MB21D2: variants seen among roughly 807,000 people sequenced by gnomAD.
The protein encoded by MB21D2 is Mab-21 domain containing 2, also known as nucleotidyltransferase MB21D2.
A neutral mutation model predicts 33.3 loss-of-function variants in MB21D2; 9 were observed. The observed-to-expected ratio is 0.27, with a 90% confidence interval of 0.16 to 0.47. The LOEUF (loss-of-function observed/expected upper bound fraction) is 0.47, where lower values mean the gene tolerates loss of function less well. MB21D2 is among the 20% of genes least tolerant of loss of function. The probability of loss-of-function intolerance (pLI) is 0.99; values close to 1 mark genes in which losing one functional copy is unlikely to be tolerated. For missense variants in MB21D2, 540 were observed against 624.6 expected, an observed-to-expected ratio of 0.86 and a Z score of 1.44; for synonymous variants, 241 against 236.3, an observed-to-expected ratio of 1.02 and a Z score of -0.18.
chr3:192,826,708 A>G (rs1024175590), intron 1 of MB21D2, among the ~76,000 whole-genome samples: 1 of 152,124 alleles, frequency 6.6e-6, no homozygotes, highest in Non-Finnish European at 1.5e-5. Context: ...CTCAGAGAGA[A>G]TCTCCCTGCA....
At chr3:192,804,028 G>T (rs958695597) in intron 1 of MB21D2, among the ~76,000 whole-genome samples, 1 of 152,114 alleles carries the variant, frequency 6.6e-6, no homozygotes, top group African/African-American at 2.4e-5. Flanking sequence ...GTAATTCACT[G>T]TTTCTTGGTT....
intron 1 of MB21D2, among the ~76,000 whole-genome samples, chr3:192,851,494 T>TG (rs1712804639): frequency 7.4e-6 from 1 of 135,462 alleles, no homozygotes; most frequent in Non-Finnish European, 1.5e-5. Flanking sequence ...TTTGTCTGTT[T>TG]TTTTTTTTTT....
intron 1 of MB21D2, among the ~76,000 whole-genome samples, chr3:192,859,896 G>A (rs999228439): frequency 6.6e-6 from 1 of 152,148 alleles, no homozygotes. Flanking sequence ...GGAAGTGTGG[G>A]GCTGGAATAG....
intron 1 of MB21D2, among the ~76,000 whole-genome samples, chr3:192,864,629 C>T (rs955598678): frequency 6.6e-5 from 10 of 152,160 alleles, no homozygotes; most frequent in African/African-American, 2.4e-4. Flanking sequence ...GCCTTGGCCT[C>T]CCAAGTAGCT....
At chr3:192,896,996 T>C (rs996573773) in intron 1 of MB21D2, among the ~76,000 whole-genome samples, 2 of 151,978 alleles carry the variant, frequency 1.3e-5, no homozygotes, top group African/African-American at 4.8e-5. Flanking sequence ...AAATGAACCA[T>C]CAAGGTGAAA....
intron 1 of MB21D2, among the ~76,000 whole-genome samples, chr3:192,870,731 A>AAAGGAAG (rs1276071873): frequency 7.5e-6 from 1 of 132,742 alleles, no homozygotes; most frequent in Admixed American, 8.1e-5. Context: ...GAAGGAGAGA[A>AAAGGAAG]GAAGGAAGGA....
intron 1 of MB21D2, among the ~76,000 whole-genome samples, chr3:192,817,473 T>C (rs1560229427): frequency 6.6e-6 from 1 of 152,148 alleles, no homozygotes; most frequent in Admixed American, 6.6e-5. Context: ...GAAACAGATA[T>C]ACTGATTTTT....
chr3:192,825,940 T>G (rs1712165187), intron 1 of MB21D2, among the ~76,000 whole-genome samples: 1 of 152,196 alleles, frequency 6.6e-6, no homozygotes, highest in African/African-American at 2.4e-5. Context: ...CTGTGCTTTA[T>G]GGGTTGTGAA....
At chr3:192,895,725 TG>T (rs1321865791) in intron 1 of MB21D2, among the ~76,000 whole-genome samples, 48 of 97,012 alleles carry the variant, frequency 4.9e-4, no homozygotes, top group African/African-American at 1.8e-3. Flanking sequence ...GTTGGGTTTT[TG>T]GGGTTTTTTT....
intron 1 of MB21D2, among the ~76,000 whole-genome samples, chr3:192,871,462 C>T (rs1713294013): frequency 6.6e-6 from 1 of 152,094 alleles, no homozygotes; most frequent in African/African-American, 2.4e-5. Context: ...CAGAATAACA[C>T]AGAGTCTGTC....
In MB21D2 at chr3:192,799,701, A is replaced by G. The variant is rs750394458; in HGVS notation, c.212-51T>C. On this transcript the variant is annotated intron_variant, in intron 1 of 1. Coordinates refer to ENST00000392452, the MANE Select transcript of MB21D2 (RefSeq NM_178496.4). The surrounding 1 kb of genome is among the most constrained non-coding windows in gnomAD (Gnocchi z 4.1). ...CACTATTACAGGAAACACAGACATAAGAGTCTTATGCATGAAACAGAATGC... is the reference window on the plus strand; with the variant it reads ...CACTATTACAGGAAACACAGACATAGGAGTCTTATGCATGAAACAGAATGC... The G allele has an allele frequency of 6.5e-7, 1 of 1,543,184 alleles. No individual in the cohort carries two copies. Among genetic ancestry groups the G allele is most frequent in the Non-Finnish European group, 8.7e-7 (1 of 1,147,008 alleles).
At chr3:192,836,426 A>G (rs1172596236) in intron 1 of MB21D2, among the ~76,000 whole-genome samples, 1 of 152,208 alleles carries the variant, frequency 6.6e-6, no homozygotes, top group Non-Finnish European at 1.5e-5. Flanking sequence ...TAACCTCAGA[A>G]TATTATTGTA....
At chr3:192,839,763 A>AATGTCAATCTAT (rs1026233552) in intron 1 of MB21D2, among the ~76,000 whole-genome samples, 2 of 152,232 alleles carry the variant, frequency 1.3e-5, no homozygotes, top group African/African-American at 4.8e-5. Context: ...CGCTAAAGAA[A>AATGTCAATCTAT]ATGTCAATCT....
At chr3:192,803,039 G>C (rs1198359699) in intron 1 of MB21D2, among the ~76,000 whole-genome samples, 1 of 152,218 alleles carries the variant, frequency 6.6e-6, no homozygotes, top group African/African-American at 2.4e-5. Context: ...AGGGTAACTT[G>C]TGCATTAACA....
At chr3:192,815,072 GTTTC>G (rs1445288202) in intron 1 of MB21D2, among the ~76,000 whole-genome samples, 14 of 151,932 alleles carry the variant, frequency 9.2e-5, no homozygotes, top group African/African-American at 1.9e-4. Flanking sequence ...AGAAATAAGA[GTTTC>G]TTTAATTTCA....
intron 1 of MB21D2, among the ~76,000 whole-genome samples, chr3:192,907,357 A>G: frequency 6.6e-6 from 1 of 152,186 alleles, no homozygotes. Flanking sequence ...TGAAGAGCAG[A>G]GAAGTCCAAA....
At chr3:192,805,040 C>T (rs563814539) in intron 1 of MB21D2, among the ~76,000 whole-genome samples, 3 of 152,318 alleles carry the variant, frequency 2.0e-5, no homozygotes, top group African/African-American at 4.8e-5. Context: ...TGGGGTCATA[C>T]GGCCTTAGTG....
chr3:192,858,758 C>T (rs1712972940), intron 1 of MB21D2, among the ~76,000 whole-genome samples: 1 of 152,194 alleles, frequency 6.6e-6, no homozygotes, highest in South Asian at 2.1e-4. Context: ...TCACAATCTA[C>T]TTGGAGAGGA....
At chr3:192,907,213 A>G (rs890148720) in intron 1 of MB21D2, among the ~76,000 whole-genome samples, 8 of 152,210 alleles carry the variant, frequency 5.3e-5, no homozygotes, top group Non-Finnish European at 8.8e-5. Flanking sequence ...GGTCTATTGT[A>G]AACACTGTCA....
Sources: allele counts gnomAD v4.1 joint callset (sites outside exome capture counted in the v4.1 genomes callset), GRCh38; gene constraint gnomAD v4.1.1; non-coding constraint Gnocchi (gnomAD v3.1); transcripts MANE v1.5; gene names NCBI Gene and HGNC (gene_info 2026-07-23, HGNC 2026-07-21).